Variants in SSBP4 observed in about 807,000 individuals in gnomAD.
The protein encoded by SSBP4 is single stranded DNA binding protein 4.
Under a neutral mutation model 64.6 loss-of-function variants are expected in SSBP4, and 33 were observed. The observed-to-expected ratio is 0.51, with a 90% confidence interval of 0.39 to 0.68. The LOEUF (loss-of-function observed/expected upper bound fraction) is 0.68, where lower values mean the gene tolerates loss of function less well. Among genes scored for constraint, SSBP4 ranks in the 30% least tolerant of loss-of-function variants. The pLI is 0.00. For missense variants in SSBP4, 583 were observed against 566.8 expected (o/e 1.03, Z -0.29); for synonymous variants, 243 against 224.0 (o/e 1.08, Z -0.76).
the SSBP4 span, among the ~76,000 whole-genome samples, chr19:18,403,003 C>T: frequency 5.3e-4 from 81 of 152,302 alleles, 1 homozygote; most frequent in Middle Eastern, 3.4e-3. Flanking sequence ...GTATAAAACC[C>T]GATTGTACAT....
Position 18,432,663 on chromosome 19 carries a change from C to T in SSBP4, c.751-37C>T, listed in dbSNP as rs779856149. 19 of 1,555,946 alleles carry T rather than the reference C, an allele frequency of 1.2e-5. No individual in the cohort carries two copies. In the East Asian group the frequency reaches 1.6e-4, roughly 13 times the overall value. On this transcript the variant is annotated intron_variant, in intron 11 of 17. Transcript: ENST00000270061. ...GGGGTGGGAGGGACACTGGGTGAGC[C>T]GCCTGGCTGACTGCTCACAGCTGCC...
chr19:18,420,627 A>T lies in SSBP4; in HGVS notation c.59+920A>T, dbSNP rs145765671. ...GTAATCCCAGCACTTTGGGAGGCCG[A>T]GGCGGTCGGATCACGAGGCCAAGAG... is the stretch of plus-strand genomic sequence containing the variant. On this transcript the variant is annotated intron_variant, in intron 1 of 17. Coordinates refer to ENST00000270061, the MANE Select transcript of SSBP4 (RefSeq NM_032627.5). 2.8e-3 allele frequency among the ~76,000 whole-genome samples: 422 copies of T among 152,130 alleles called. 4 individuals carry two copies. Among genetic ancestry groups the T allele is most frequent in the African/African-American group, 9.7e-3 (404 of 41,490 alleles).
In SSBP4 at chr19:18,431,056, G is replaced by C. The variant is rs573115198; in HGVS notation, c.369+126G>C. The C allele has an allele frequency of 4.4e-6, 5 of 1,143,566 alleles. No homozygotes were observed. The South Asian group carries it at 5.3e-5, about 12-fold the overall frequency. The allele number at this position is 1,143,566 out of a possible 1,614,324, so 70.8% of individuals were successfully genotyped here. ...CTGGAGTTGGGTGGGAGGGTCCTCT[G>C]TGCCGCAGGTGTGCCCAGGTGGGCC... On this transcript the variant is annotated intron_variant, in intron 5 of 17. Coordinates refer to ENST00000270061, the MANE Select transcript of SSBP4 (RefSeq NM_032627.5).
At chr19:18,420,850 CA>C (rs34523547) in intron 1 of SSBP4, among the ~76,000 whole-genome samples, 20,860 of 136,998 alleles carry the variant, frequency 0.15, 1,528 homozygotes, top group African/African-American at 0.22. Flanking sequence ...GATTCCATCT[CA>C]AAAAAAAAAA....
upstream of SSBP4, among the ~76,000 whole-genome samples, chr19:18,413,921 G>C (rs563191583): frequency 6.6e-6 from 1 of 152,186 alleles, no homozygotes; most frequent in African/African-American, 2.4e-5. Context: ...GGAAGCTGAG[G>C]CAGGAGAATT....
At chr19:18,425,343 C>T (rs927327985) in intron 1 of SSBP4, among the ~76,000 whole-genome samples, 28 of 152,130 alleles carry the variant, frequency 1.8e-4, no homozygotes, top group African/African-American at 6.0e-4. Context: ...TCTGTCTTAC[C>T]CCACTCTGGC....
At chr19:18,405,261 C>A in the SSBP4 span, among the ~76,000 whole-genome samples, 31 of 152,252 alleles carry the variant, frequency 2.0e-4, no homozygotes, top group African/African-American at 7.5e-4. Flanking sequence ...CCTTCCCCAG[C>A]CACCTGCACA....
upstream of SSBP4, among the ~76,000 whole-genome samples, chr19:18,416,922 C>T (rs1039359138): frequency 6.6e-5 from 10 of 152,224 alleles, no homozygotes; most frequent in African/African-American, 1.9e-4. Context: ...GGACCCAGGG[C>T]CCGCTGCCCT....
chr19:18,430,943 C>T lies in SSBP4; in HGVS notation c.369+13C>T. 6.2e-7 allele frequency: 1 copy of T among 1,609,788 alleles called. No individual in the cohort carries two copies. The highest frequency in any genetic ancestry group is 8.5e-7 in the Non-Finnish European group (1 of 1,179,494). Reference sequence around the variant, plus strand: ...TGGCTTCTTCCAGGTATGGCCCCGGCTGGAGTCCACTGGCCCCCAACTCTG... The same window carrying T: ...TGGCTTCTTCCAGGTATGGCCCCGGTTGGAGTCCACTGGCCCCCAACTCTG... On this transcript the variant is annotated intron_variant, in intron 5 of 17. Coordinates refer to ENST00000270061, the MANE Select transcript of SSBP4 (RefSeq NM_032627.5).
intron 1 of SSBP4, 78 bp downstream of exon 1, chr19:18,419,785 C>A: frequency 9.8e-7 from 1 of 1,018,212 alleles, no homozygotes. Flanking sequence ...CCGCGCGGGG[C>A]ACGTGGGCGC....
At position 18,432,577 on chromosome 19, in the gene SSBP4, C is replaced by T. The variant is rs775243340; in HGVS notation, c.723C>T (p.Gly241=). The change falls in exon 11 of 18, where the codon GGC becomes GGT. Residue 241 remains glycine (G), a synonymous_variant. Coordinates refer to ENST00000270061, the MANE Select transcript of SSBP4 (RefSeq NM_032627.5). ...PAMNMGPGVR[G]PWASPSGNSI... is the part of the protein sequence containing the mutation. ...CTTCCAGGGGCCCAGGAGTTCGTGG[C>T]CCGTGGGCCAGCCCCAGTGGAAACT... The T allele has an allele frequency of 2.5e-6, 4 of 1,571,532 alleles. No individual in the cohort carries two copies. The South Asian group carries it at 4.6e-5, about 18-fold the overall frequency.
chr19:18,406,088 TGCCTCA>T, the SSBP4 span, among the ~76,000 whole-genome samples: 6 of 151,388 alleles, frequency 4.0e-5, no homozygotes, highest in Non-Finnish European at 7.4e-5. Context: ...ATGATCCTCC[TGCCTCA>T]GCCTCCCAAA....
chr19:18,434,523 G>A lies in SSBP4; in HGVS notation c.*277G>A. The A allele has an allele frequency of 3.4e-6, 2 of 592,726 alleles. No individual in the cohort carries two copies. Among genetic ancestry groups the A allele is most frequent in the Non-Finnish European group, 5.5e-6 (2 of 360,632 alleles). 36.7% of individuals were successfully genotyped at this position (592,726 alleles called of 1,614,324 possible). ...CCTCTCCCCAGGACGTCAGGGGGTG[G>A]GGCCCATAAATAAATGGAAGCTGGT... On this transcript the variant is annotated 3_prime_UTR_variant, in exon 18 of 18. Coordinates refer to ENST00000270061, the MANE Select transcript of SSBP4 (RefSeq NM_032627.5).
upstream of SSBP4, among the ~76,000 whole-genome samples, chr19:18,413,921 G>T (rs563191583): frequency 2.9e-3 from 438 of 152,304 alleles, 4 homozygotes; most frequent in African/African-American, 0.01. Context: ...GGAAGCTGAG[G>T]CAGGAGAATT....
the SSBP4 span, among the ~76,000 whole-genome samples, chr19:18,411,319 C>T: frequency 6.6e-6 from 1 of 151,968 alleles, no homozygotes; most frequent in African/African-American, 2.4e-5. Context: ...ATGATGAAAC[C>T]TTGTCTCTAC....
chr19:18,428,024 G>A, intron 4 of SSBP4, 42 bp downstream of exon 4: 1 of 1,588,582 alleles, frequency 6.3e-7, no homozygotes, highest in Non-Finnish European at 8.6e-7. Flanking sequence ...CAGGGCGGGA[G>A]GTGTGCTGGG....
At chr19:18,431,025 G>T in intron 5 of SSBP4, 95 bp downstream of exon 5, 1 of 1,427,540 alleles carries the variant, frequency 7.0e-7, no homozygotes, top group Non-Finnish European at 9.6e-7. Context: ...TCATGAGGCC[G>T]GCAGGCTGGA....
At chr19:18,414,906 C>G (rs1046494447), upstream of SSBP4, among the ~76,000 whole-genome samples, 1 of 152,148 alleles carries the variant, frequency 6.6e-6, no homozygotes, top group African/African-American at 2.4e-5. Context: ...GGCCCAGAGC[C>G]TCTATCTGTG....
chr19:18,427,672 A>C lies in SSBP4; in HGVS notation c.133-80A>C. 2.0e-6 allele frequency: 3 copies of C among 1,480,998 alleles called. No homozygotes were observed. Among genetic ancestry groups the C allele is most frequent in the South Asian group, 2.6e-5 (2 of 76,114 alleles). 91.7% of individuals were successfully genotyped at this position (1,480,998 alleles called of 1,614,324 possible). A position where few individuals can be genotyped will look rare whatever the true frequency, so the allele number is the denominator to read the frequency against. On this transcript the variant is annotated intron_variant, in intron 2 of 17. Coordinates refer to ENST00000270061, the MANE Select transcript of SSBP4 (RefSeq NM_032627.5). The surrounding 1 kb of genome is among the most constrained non-coding windows in gnomAD (Gnocchi z 4.4). ...TTCCCTCCCCACTCCCTCCCTGCCC[A>C]GATGTTCTCTGGGCACCCTGCTGGG...
Sources: allele counts gnomAD v4.1 joint callset (sites outside exome capture counted in the v4.1 genomes callset), GRCh38; gene constraint gnomAD v4.1.1; non-coding constraint Gnocchi (gnomAD v3.1); transcripts MANE v1.5; gene names NCBI Gene and HGNC (gene_info 2026-07-23, HGNC 2026-07-21).